BNIP2: variants seen among roughly 807,000 people sequenced by gnomAD.
The protein encoded by BNIP2 is BCL2/adenovirus E1B 19 kDa protein-interacting protein 2.
Under a neutral mutation model 43.4 loss-of-function variants are expected in BNIP2, and 36 were observed. That is an observed-to-expected ratio of 0.83 (90% CI 0.64 to 1.10). BNIP2 has a LOEUF of 1.10. Ranked by LOEUF, BNIP2 falls within the 50% of genes least tolerant of loss-of-function variation. The probability of loss-of-function intolerance (pLI) is 0.00; values close to 1 mark genes in which losing one functional copy is unlikely to be tolerated. For missense variants in BNIP2, 417 were observed against 374.1 expected, an observed-to-expected ratio of 1.11 and a Z score of -0.95; for synonymous variants, 146 against 121.0, an observed-to-expected ratio of 1.21 and a Z score of -1.35.
At position 59,688,743 on chromosome 15, in the gene BNIP2, G is replaced by C. The variant is rs1335300936; in HGVS notation, c.-58+392C>G. ...GTTACGAGGCATACCAGAAGTCCAAGTTTCTTTGTTCTGTACCAGGACGGA... is the reference window on the plus strand; with the variant it reads ...GTTACGAGGCATACCAGAAGTCCAACTTTCTTTGTTCTGTACCAGGACGGA... On this transcript the variant is annotated intron_variant, in intron 1 of 9. Coordinates refer to ENST00000607373, the MANE Select transcript of BNIP2 (RefSeq NM_004330.4). The C allele has an allele frequency of 3.3e-6, 5 of 1,535,642 alleles. No individual in the cohort carries two copies. In the South Asian group the frequency reaches 3.6e-5, roughly 11 times the overall value.
chr15:59,677,831 T>C (rs1595700413), intron 5 of BNIP2, 80 bp downstream of exon 5: 1 of 1,493,022 alleles, frequency 6.7e-7, no homozygotes, highest in East Asian at 2.3e-5. Flanking sequence ...TATTTACTCT[T>C]AATAAACAGA....
rs1488547981 is a variant in BNIP2 at position 59,663,867 on chromosome 15, T to C, written c.*202A>G. ...AAAACGATAATAATACAGTTAGCTA[T>C]TAAAGAGCTAAATTCAAGAAATTTG... On this transcript the variant is annotated 3_prime_UTR_variant, in exon 10 of 10. Coordinates refer to ENST00000607373, the MANE Select transcript of BNIP2 (RefSeq NM_004330.4). 1.5e-5 allele frequency: 6 copies of C among 394,594 alleles called. No individual in the cohort carries two copies. The East Asian group carries it at 2.2e-4, about 15-fold the overall frequency. The allele number at this position is 394,594 out of a possible 1,614,324, so 24.4% of individuals were successfully genotyped here.
intron 5 of BNIP2, among the ~76,000 whole-genome samples, chr15:59,673,432 A>G (rs1595695132): frequency 1.3e-5 from 2 of 150,668 alleles, no homozygotes; most frequent in South Asian, 4.2e-4. Context: ...GCTTTTTTAA[A>G]TTTTTTTTTA....
intron 4 of BNIP2, chr15:59,678,611 A>C (rs1418157026): frequency 2.6e-6 from 3 of 1,145,750 alleles, no homozygotes; most frequent in Non-Finnish European, 3.3e-6. Context: ...TGAAGTATAC[A>C]TGCAGAAGTC....
rs1221790957 is a variant in BNIP2, at chr15:59,679,706, T to A, written c.181A>T (p.Thr61Ser). 6.2e-7 allele frequency: 1 copy of A among 1,603,900 alleles called. No individual in the cohort carries two copies. Residue 61 changes from threonine (T) to serine (S), a missense_variant, in exon 4 of 10, where the codon ACA becomes TCA. Physicochemically the swap from Thr to Ser is moderately conservative, Grantham distance 58. Transcript: ENST00000607373. ...KKLMAPDISL[T>S]LDPSDGSVLS... is the part of the protein sequence containing the mutation. ...ACAGAGCCATCACTAGGATCCAGTG[T>A]CAGGCTAATGTCTGGAGCCATTAGT...
intron 4 of BNIP2, chr15:59,678,313 AC>A: frequency 7.8e-7 from 1 of 1,276,952 alleles, no homozygotes; most frequent in East Asian, 3.6e-5. Context: ...TTTAGCAAAA[AC>A]CACCTAATCA....
intron 7 of BNIP2, among the ~76,000 whole-genome samples, chr15:59,670,393 TGCACTCCA>T: frequency 6.6e-6 from 1 of 152,282 alleles, no homozygotes; most frequent in East Asian, 1.9e-4. Context: ...ATTGCACCAC[TGCACTCCA>T]GCCTAGATGA....
chr15:59,676,856 C>T (rs1893331855), intron 5 of BNIP2: 5 of 1,574,912 alleles, frequency 3.2e-6, no homozygotes, highest in Non-Finnish European at 3.4e-6. Context: ...CCTCAGCTGC[C>T]CTGGGCTCTC....
rs1036033462 is a variant in BNIP2 at position 59,660,941 on chromosome 15, A to T, written c.*3128T>A. ...ATGTATTATCAACTTTTCCCCCTTC[A>T]ATCCACAGTCTTTATTCACATACCT... On this transcript the variant is annotated 3_prime_UTR_variant, in exon 10 of 10. Coordinates refer to ENST00000607373, the MANE Select transcript of BNIP2 (RefSeq NM_004330.4). 1 of 152,220 alleles carries T rather than the reference A, an allele frequency of 6.6e-6. No homozygotes were observed. Among genetic ancestry groups the T allele is most frequent in the Non-Finnish European group, 1.5e-5 (1 of 68,042 alleles). The allele number at this position is 152,220 out of a possible 1,614,324, so 9.4% of individuals were successfully genotyped here. A position where few individuals can be genotyped will look rare whatever the true frequency, so the allele number is the denominator to read the frequency against.
intron 4 of BNIP2, 38 bp from the exon 5 acceptor site, chr15:59,678,125 C>A (rs1228498620): frequency 6.4e-7 from 1 of 1,567,566 alleles, no homozygotes; most frequent in Admixed American, 2.0e-5. Flanking sequence ...CAAATTGTTA[C>A]ACAACAAAAA....
At chr15:59,681,648 T>C (rs1406041649) in intron 2 of BNIP2, among the ~76,000 whole-genome samples, 1 of 152,086 alleles carries the variant, frequency 6.6e-6, no homozygotes, top group Non-Finnish European at 1.5e-5. Flanking sequence ...GGTTTCACCA[T>C]GTTGGCCACG....
intron 9 of BNIP2, chr15:59,668,087 C>G (rs1474979086): frequency 3.1e-6 from 4 of 1,295,918 alleles, no homozygotes; most frequent in Non-Finnish European, 3.1e-6. Flanking sequence ...GCAACCCAGT[C>G]AAGGTGTGCA....
intron 6 of BNIP2, 44 bp downstream of exon 6, chr15:59,672,593 A>T: frequency 1.5e-6 from 2 of 1,315,796 alleles, no homozygotes; most frequent in Non-Finnish European, 2.1e-6. Flanking sequence ...AGATCTAATT[A>T]GCTCACAATT....
rs1431885669 is a variant in BNIP2 at position 59,662,407 on chromosome 15, AT to A, written c.*1661del. 1 of 152,232 alleles carries A rather than the reference AT, an allele frequency of 6.6e-6. No homozygotes were observed. The highest frequency in any genetic ancestry group is 1.5e-5 in the Non-Finnish European group (1 of 68,038). 9.4% of individuals were successfully genotyped at this position (152,232 alleles called of 1,614,324 possible). ...AATCGTTTTGGCTCAATTCACTGTAATGACATTAGTTCAGGATCTGCCAAGA... is the reference window on the plus strand; with the variant it reads ...AATCGTTTTGGCTCAATTCACTGTAAGACATTAGTTCAGGATCTGCCAAGA... On this transcript the variant is annotated 3_prime_UTR_variant, in exon 10 of 10. Coordinates refer to ENST00000607373, the MANE Select transcript of BNIP2 (RefSeq NM_004330.4).
At chr15:59,674,728 C>G (rs1216528752) in intron 5 of BNIP2, among the ~76,000 whole-genome samples, 1 of 152,160 alleles carries the variant, frequency 6.6e-6, no homozygotes, top group African/African-American at 2.4e-5. Flanking sequence ...ATGACATGCT[C>G]TACAGTGAGT....
At chr15:59,666,660 T>C (rs2141987837) in intron 9 of BNIP2, among the ~76,000 whole-genome samples, 1 of 152,250 alleles carries the variant, frequency 6.6e-6, no homozygotes, top group South Asian at 2.1e-4. Flanking sequence ...AGAGTGAAAC[T>C]CTGTCTCAAA....
intron 2 of BNIP2, among the ~76,000 whole-genome samples, chr15:59,680,905 A>C (rs1335882094): frequency 1.3e-5 from 2 of 152,358 alleles, no homozygotes; most frequent in African/African-American, 4.8e-5. Flanking sequence ...CTACACTTTC[A>C]AAGTAAAAAT....
At position 59,662,506 on chromosome 15, in the gene BNIP2, C is replaced by T. The variant is rs1892330790; in HGVS notation, c.*1563G>A. ...CCTGGGAATCCTCCAGCATCTCTCT[C>T]CTATAACTGGTTTTAAGTTAGCATG... On this transcript the variant is annotated 3_prime_UTR_variant, in exon 10 of 10. Coordinates refer to ENST00000607373, the MANE Select transcript of BNIP2 (RefSeq NM_004330.4). 6.6e-6 allele frequency: 1 copy of T among 152,174 alleles called. No homozygotes were observed. The highest frequency in any genetic ancestry group is 1.5e-5 in the Non-Finnish European group (1 of 68,028). The allele number at this position is 152,174 out of a possible 1,614,324, so 9.4% of individuals were successfully genotyped here. A position where few individuals can be genotyped will look rare whatever the true frequency, so the allele number is the denominator to read the frequency against.
At chr15:59,673,603 AT>A (rs543381077) in intron 5 of BNIP2, among the ~76,000 whole-genome samples, 1 of 151,720 alleles carries the variant, frequency 6.6e-6, no homozygotes, top group African/African-American at 2.4e-5. Context: ...CCTTTATAAA[AT>A]TTTTTTTGTA....
Sources: allele counts gnomAD v4.1 joint callset (sites outside exome capture counted in the v4.1 genomes callset), GRCh38; gene constraint gnomAD v4.1.1; transcripts MANE v1.5; gene names NCBI Gene and HGNC (gene_info 2026-07-23, HGNC 2026-07-21).